The following FGF13 variants were observed in gnomAD, a reference collection of about 807,000 sequenced individuals.
The protein encoded by FGF13 is fibroblast growth factor homologous factor 2.
A neutral mutation model predicts 19.5 loss-of-function variants in FGF13; 2 were observed. The observed-to-expected ratio is 0.10, with a 90% CI of 0.04 to 0.32. The LOEUF is 0.32. Ranked by LOEUF, FGF13 falls within the 10% of genes least tolerant of loss-of-function variation. The pLI, the probability that FGF13 is intolerant of heterozygous loss-of-function variation, is 1.00. For missense variants in FGF13, 113 were observed against 192.7 expected (o/e 0.59, Z 2.45); for synonymous variants, 72 against 76.9 (o/e 0.94, Z 0.33).
intron 2 of FGF13, among the ~76,000 whole-genome samples, chrX:138,858,494 T>C (rs2091270766): frequency 8.9e-6 from 1 of 112,087 alleles, no homozygotes; most frequent in African/African-American, 3.2e-5. Flanking sequence ...TTCTCTATTC[T>C]GAAAACCTTC....
intron 1 of FGF13, among the ~76,000 whole-genome samples, chrX:138,723,800 CAG>C (rs778508518): frequency 1.6e-4 from 18 of 112,043 alleles, no homozygotes; most frequent in Non-Finnish European, 2.6e-4. Context: ...CTTGGGTACT[CAG>C]GGGGTGATCA....
intron 3 of FGF13, among the ~76,000 whole-genome samples, chrX:138,747,660 C>A (rs1001021812): frequency 2.7e-5 from 3 of 111,849 alleles, no homozygotes; most frequent in Non-Finnish European, 1.9e-5. Flanking sequence ...GCACAGGCCT[C>A]TTTAGCCAGG....
chrX:138,929,265 GTCTCTC>G lies in FGF13; in HGVS notation c.-112-64621_-112-64616del, dbSNP rs1556301167. On this transcript the variant is annotated intron_variant, in intron 1 of 2. Transcript: ENST00000421460. ...TGTGTGTGTGTGTGTGTGTGTGTGT[GTCTCTC>G]TGTGTGTGTGTGTTTAGTGTGGAGA... Among the ~76,000 whole-genome samples the G allele has an allele frequency of 6.5e-3, 705 of 108,109 alleles. 8 individuals carry two copies. Among genetic ancestry groups the G allele is most frequent in the African/African-American group, 0.022 (659 of 29,470 alleles). The allele number at this position is 108,109 out of a possible 115,157, so 93.9% of individuals were successfully genotyped here. A position where few individuals can be genotyped will look rare whatever the true frequency, so the allele number is the denominator to read the frequency against.
At chrX:139,204,724 T>C (rs1054249029), upstream of FGF13, among the ~76,000 whole-genome samples, 1 of 113,235 alleles carries the variant, frequency 8.8e-6, no homozygotes. Flanking sequence ...GAAAGGGAAA[T>C]GTTTGAACAT....
At chrX:138,870,855 C>T (rs1290166999) in intron 1 of FGF13, among the ~76,000 whole-genome samples, 3 of 111,976 alleles carry the variant, frequency 2.7e-5, no homozygotes, top group Non-Finnish European at 3.8e-5. Context: ...CAGTTGACAG[C>T]CAACAATAAA....
intron 1 of FGF13, among the ~76,000 whole-genome samples, chrX:138,928,633 C>G (rs1159920117): frequency 2.7e-5 from 3 of 111,295 alleles, no homozygotes; most frequent in African/African-American, 6.5e-5. Flanking sequence ...CAAAGTTCCT[C>G]TCAGAAAGGA....
At chrX:139,023,363 G>A (rs2092185840) in intron 1 of FGF13, among the ~76,000 whole-genome samples, 1 of 110,788 alleles carries the variant, frequency 9.0e-6, no homozygotes. Flanking sequence ...GAATTTTTCA[G>A]CCATTTAAAA....
intron 1 of FGF13, among the ~76,000 whole-genome samples, chrX:139,072,009 C>CAAAAAAAA (rs547217409): frequency 4.8e-4 from 12 of 24,840 alleles, no homozygotes; most frequent in African/African-American, 2.0e-3. Context: ...GATTCCATCT[C>CAAAAAAAA]AAAAAAAAAA....
At chrX:138,725,373 T>C (rs1377617141) in intron 1 of FGF13, among the ~76,000 whole-genome samples, 2 of 111,337 alleles carry the variant, frequency 1.8e-5, no homozygotes, top group African/African-American at 3.3e-5. Context: ...AGCATGCACA[T>C]CCTTCGTCAC....
At chrX:138,935,248 T>C (rs2091725626) in intron 1 of FGF13, among the ~76,000 whole-genome samples, 1 of 110,550 alleles carries the variant, frequency 9.0e-6, no homozygotes, top group Admixed American at 9.6e-5. Flanking sequence ...TCAAATACTG[T>C]GAGAAAGCTG....
chrX:138,778,322 C>T (rs1385662783), intron 3 of FGF13, among the ~76,000 whole-genome samples: 3 of 110,968 alleles, frequency 2.7e-5, no homozygotes, highest in Admixed American at 9.6e-5. Flanking sequence ...ACAAGATGGC[C>T]GAATAGGAAC....
chrX:138,779,461 G>A (rs1487526713), intron 3 of FGF13, among the ~76,000 whole-genome samples: 1 of 109,872 alleles, frequency 9.1e-6, no homozygotes, highest in Admixed American at 9.7e-5. Flanking sequence ...ATACAGAGAA[G>A]TGCTGAAAGG....
intron 1 of FGF13, among the ~76,000 whole-genome samples, chrX:138,724,575 C>G (rs2090171326): frequency 1.8e-5 from 2 of 111,736 alleles, no homozygotes; most frequent in African/African-American, 6.5e-5. Flanking sequence ...CATTTTAGGA[C>G]AGAAGTTTTT....
chrX:138,990,182 C>G (rs1004537338), intron 1 of FGF13, among the ~76,000 whole-genome samples: 1 of 110,660 alleles, frequency 9.0e-6, no homozygotes, highest in Non-Finnish European at 1.9e-5. Flanking sequence ...GTGCAGGGCA[C>G]TTAATCATAA....
In FGF13 at chrX:138,985,520, C is replaced by G. The variant is rs1469444751; in HGVS notation, c.-112-120870G>C. Among the ~76,000 whole-genome samples, 3 of 111,870 alleles carry G rather than the reference C, an allele frequency of 2.7e-5. No homozygotes were observed. The East Asian group carries it at 8.5e-4, about 32-fold the overall frequency. On this transcript the variant is annotated intron_variant, in intron 1 of 2. Transcript: ENST00000421460. Reference sequence around the variant, plus strand: ...GTGATCCTTAATCTAAATACCCTACCAACCTCTGTGAGTACAATTGAGAAG... The same window carrying G: ...GTGATCCTTAATCTAAATACCCTACGAACCTCTGTGAGTACAATTGAGAAG...
Position 138,954,095 on chromosome X carries a change from CG to C in FGF13, c.-112-89446del, listed in dbSNP as rs2091829083. Among the ~76,000 whole-genome samples, 8 of 94,170 alleles carry C rather than the reference CG, an allele frequency of 8.5e-5. No homozygotes were observed. The Admixed American group carries it at 9.6e-4, about 11-fold the overall frequency. The allele number at this position is 94,170 out of a possible 115,157, so 81.8% of individuals were successfully genotyped here. A position where few individuals can be genotyped will look rare whatever the true frequency, so the allele number is the denominator to read the frequency against. On this transcript the variant is annotated intron_variant, in intron 1 of 2. Coordinates refer to the FGF13 transcript ENST00000421460. ...TGCATTTCATAGTATGTAAATTTAA[CG>C]AGAGAGAGAGAGAGAGAGAGAGAGA...
intron 1 of FGF13, among the ~76,000 whole-genome samples, chrX:139,060,540 C>T (rs2092333352): frequency 9.0e-6 from 1 of 111,630 alleles, no homozygotes; most frequent in African/African-American, 3.3e-5. Flanking sequence ...TCACAGACTG[C>T]TTTTTGGTTT....
At position 138,619,881 on chromosome X, in the gene FGF13, G is replaced by T. The variant is rs2089001184; in HGVS notation, c.*12969C>A. 1.8e-5 allele frequency: 2 copies of T among 112,140 alleles called. No homozygotes were observed. Among genetic ancestry groups the T allele is most frequent in the African/African-American group, 3.2e-5 (1 of 30,848 alleles). The allele number at this position is 112,140 out of a possible 1,213,427, so 9.2% of individuals were successfully genotyped here. On this transcript the variant is annotated 3_prime_UTR_variant, in exon 5 of 5. Coordinates refer to ENST00000315930, the MANE Select transcript of FGF13 (RefSeq NM_004114.5). ...ACACTGCTGGTGGGAAAGTAAATTA[G>T]TTCAAACATTGTGGAAGACAGTGTG... is the stretch of plus-strand genomic sequence containing the variant.
intron 3 of FGF13, among the ~76,000 whole-genome samples, chrX:138,686,646 A>C (rs1350327960): frequency 8.9e-6 from 1 of 112,016 alleles, no homozygotes; most frequent in Non-Finnish European, 1.9e-5. Flanking sequence ...ATGTCTTGGT[A>C]GAATTTCTTG....
Sources: allele counts gnomAD v4.1 joint callset (sites outside exome capture counted in the v4.1 genomes callset), GRCh38; gene constraint gnomAD v4.1.1; transcripts MANE v1.5; gene names NCBI Gene and HGNC (gene_info 2026-07-23, HGNC 2026-07-21).